SUGCT: variants seen among roughly 807,000 people sequenced by gnomAD.
SUGCT encodes succinyl-CoA:glutarate-CoA transferase, also known as succinyl-CoA:glutarate CoA-transferase.
SUGCT carries 41 observed loss-of-function variants against 55.0 expected under a neutral mutation model. The ratio of observed to expected loss-of-function variants is 0.74; its 90% CI spans 0.58 to 0.97. SUGCT has a LOEUF of 0.97. Ranked by LOEUF, SUGCT falls within the 50% of genes least tolerant of loss-of-function variation. The probability of loss-of-function intolerance (pLI) is 0.00; values close to 1 mark genes in which losing one functional copy is unlikely to be tolerated. For missense variants in SUGCT, 568 were observed against 547.8 expected (o/e 1.04, Z -0.37); for synonymous variants, 187 against 200.4 (o/e 0.93, Z 0.56).
chr7:40,612,853 C>T (rs143153888), intron 12 of SUGCT, among the ~76,000 whole-genome samples: 1 of 152,006 alleles, frequency 6.6e-6, no homozygotes, highest in South Asian at 2.1e-4. Context: ...CTTGGAGCCA[C>T]CAGATGCGGT....
At chr7:40,304,549 T>G (rs918115973) in intron 8 of SUGCT, among the ~76,000 whole-genome samples, 5 of 151,628 alleles carry the variant, frequency 3.3e-5, no homozygotes, top group South Asian at 4.2e-4. Flanking sequence ...CTGAGCAGTG[T>G]ACACTGTACC....
At chr7:40,391,136 A>G (rs1406897895) in intron 9 of SUGCT, among the ~76,000 whole-genome samples, 2 of 152,220 alleles carry the variant, frequency 1.3e-5, no homozygotes, top group African/African-American at 2.4e-5. Context: ...AATTAATTCA[A>G]GATGGATTAA....
chr7:40,710,077 A>G lies in SUGCT; in HGVS notation c.1090-39357A>G, dbSNP rs180697375. ...TTTCTTGAGGAAAGGACAGGGCTGT[A>G]CATAAACTAGGGACAGCACCCAGCT... is the stretch of plus-strand genomic sequence containing the variant. On this transcript the variant is annotated intron_variant, in intron 12 of 13. Transcript: ENST00000335693. Among the ~76,000 whole-genome samples the G allele has an allele frequency of 3.2e-4, 49 of 152,334 alleles. 1 individual carries two copies. The East Asian group carries it at 4.1e-3, about 13-fold the overall frequency.
At chr7:40,624,361 A>G (rs1206978796) in intron 12 of SUGCT, among the ~76,000 whole-genome samples, 1 of 152,240 alleles carries the variant, frequency 6.6e-6, no homozygotes, top group Non-Finnish European at 1.5e-5. Context: ...TTAAAGTAAC[A>G]GTAATAGTTA....
chr7:40,482,209 A>T (rs915099738), intron 11 of SUGCT, among the ~76,000 whole-genome samples: 4 of 152,210 alleles, frequency 2.6e-5, no homozygotes, highest in South Asian at 2.1e-4. Context: ...GGTTAGCTCA[A>T]GTAACTTATG....
chr7:40,393,017 A>G (rs377222717), intron 9 of SUGCT, among the ~76,000 whole-genome samples: 1 of 152,184 alleles, frequency 6.6e-6, no homozygotes, highest in African/African-American at 2.4e-5. Flanking sequence ...TGTCTTTGGT[A>G]TAGTCAAATG....
At chr7:40,900,727 G>T in the SUGCT span, among the ~76,000 whole-genome samples, 1 of 152,234 alleles carries the variant, frequency 6.6e-6, no homozygotes, top group African/African-American at 2.4e-5. Context: ...CAGCCTAGAA[G>T]CTGCATTTCC....
intron 8 of SUGCT, among the ~76,000 whole-genome samples, chr7:40,296,612 C>CGTGTGT (rs10528858): frequency 0.061 from 8,788 of 144,416 alleles, 329 homozygotes; most frequent in Middle Eastern, 0.086. Flanking sequence ...GTGAGTGACT[C>CGTGTGT]GTGTGTGTGT....
intron 12 of SUGCT, among the ~76,000 whole-genome samples, chr7:40,578,260 C>T (rs530724713): frequency 6.6e-6 from 1 of 152,184 alleles, no homozygotes; most frequent in Non-Finnish European, 1.5e-5. Context: ...CCCTGAAAAT[C>T]CCTTAGTCCT....
chr7:40,158,784 G>T (rs1251933653), intron 1 of SUGCT, among the ~76,000 whole-genome samples: 2 of 151,990 alleles, frequency 1.3e-5, no homozygotes, highest in Non-Finnish European at 2.9e-5. Flanking sequence ...TAAATAAAAT[G>T]AGTAAATAAA....
intron 9 of SUGCT, among the ~76,000 whole-genome samples, chr7:40,386,446 G>A (rs1488860202): frequency 6.6e-6 from 1 of 152,144 alleles, no homozygotes; most frequent in Non-Finnish European, 1.5e-5. Flanking sequence ...ATTCAGGTAA[G>A]ACCCTTGAGT....
chr7:40,491,557 GA>G (rs1224484277), intron 11 of SUGCT, among the ~76,000 whole-genome samples: 6 of 151,856 alleles, frequency 4.0e-5, no homozygotes, highest in Admixed American at 2.6e-4. Context: ...GGGAACTAGG[GA>G]AAAAAAGGTC....
At chr7:40,141,482 A>G (rs755027627) in intron 1 of SUGCT, among the ~76,000 whole-genome samples, 1 of 152,000 alleles carries the variant, frequency 6.6e-6, no homozygotes, top group Non-Finnish European at 1.5e-5. Flanking sequence ...AAAATACAAA[A>G]AAATAGTCAG....
intron 13 of SUGCT, among the ~76,000 whole-genome samples, chr7:40,804,319 T>C (rs1478866021): frequency 6.6e-6 from 1 of 152,198 alleles, no homozygotes; most frequent in Non-Finnish European, 1.5e-5. Flanking sequence ...TCAGGTATAA[T>C]AGAATGCAAG....
At chr7:40,864,823 T>C (rs1259953448), downstream of SUGCT, among the ~76,000 whole-genome samples, 1 of 152,128 alleles carries the variant, frequency 6.6e-6, no homozygotes, top group Non-Finnish European at 1.5e-5. Context: ...CCTGACGTGT[T>C]GGTGCCGAGA....
chr7:40,685,269 G>C (rs900262057), intron 12 of SUGCT, among the ~76,000 whole-genome samples: 4 of 152,112 alleles, frequency 2.6e-5, no homozygotes, highest in African/African-American at 9.7e-5. Context: ...TTGTAAAACT[G>C]TGTGATACAA....
chr7:40,610,878 G>T (rs1448937850), intron 12 of SUGCT, among the ~76,000 whole-genome samples: 1 of 152,160 alleles, frequency 6.6e-6, no homozygotes, highest in Non-Finnish European at 1.5e-5. Context: ...CCTCCTGTCA[G>T]TTTAAGATTA....
chr7:40,300,727 C>T (rs183498192), intron 8 of SUGCT, among the ~76,000 whole-genome samples: 55 of 152,284 alleles, frequency 3.6e-4, no homozygotes, highest in Non-Finnish European at 5.9e-4. Flanking sequence ...CAGCTTAGAT[C>T]TTAAAAGCCA....
chr7:40,961,685 G>T, the SUGCT span, among the ~76,000 whole-genome samples: 1 of 152,166 alleles, frequency 6.6e-6, no homozygotes, highest in Non-Finnish European at 1.5e-5. Flanking sequence ...CTTAAAGATG[G>T]TGTGTCTGGA....
Sources: gnomAD v4.1 joint callset for allele counts (sites outside exome capture counted in the v4.1 genomes callset) on GRCh38, gnomAD v4.1.1 for gene constraint, MANE v1.5 for transcripts, NCBI Gene and HGNC (gene_info 2026-07-23, HGNC 2026-07-21) for gene names.